Variants in FHDC1 observed in about 807,000 individuals in gnomAD.
FHDC1 encodes the protein FH2 domain containing 1, also known as FH2 domain-containing protein 1.
In FHDC1, 25 loss-of-function variants were observed where a neutral mutation model predicts 52.6. The observed-to-expected ratio is 0.48, with a 90% CI of 0.35 to 0.66. The LOEUF (loss-of-function observed/expected upper bound fraction) is 0.66, where lower values mean the gene tolerates loss of function less well. FHDC1 is among the 30% of genes least tolerant of loss of function. The pLI is 0.01. For missense variants in FHDC1, 1,459 were observed against 1,452.8 expected (o/e 1.00, Z -0.07); for synonymous variants, 616 against 581.5 (o/e 1.06, Z -0.85).
At chr4:152,950,072 C>T (rs1739877921) in intron 2 of FHDC1, among the ~76,000 whole-genome samples, 5 of 152,258 alleles carry the variant, frequency 3.3e-5, no homozygotes, top group Admixed American at 2.6e-4. Context: ...TTGTTTATCC[C>T]TCTTCTTTGG....
the FHDC1 span, among the ~76,000 whole-genome samples, chr4:152,925,813 A>C: frequency 6.6e-6 from 1 of 151,296 alleles, no homozygotes; most frequent in African/African-American, 2.4e-5. Context: ...TAACTATTTT[A>C]GTGAAAAAGA....
rs777520664 is a variant in FHDC1, at chr4:152,975,928, C to A, written c.2637C>A (p.Ser879Arg). 1 of 1,513,576 alleles carries A rather than the reference C, an allele frequency of 6.6e-7. No individual in the cohort carries two copies. The highest frequency in any genetic ancestry group is 1.4e-5 in the African/African-American group (1 of 71,726). The allele number at this position is 1,513,576 out of a possible 1,614,324, so 93.8% of individuals were successfully genotyped here. A position where few individuals can be genotyped will look rare whatever the true frequency, so the allele number is the denominator to read the frequency against. ...CTCCCGGGGCCTCCAAGCCCGGGAG[C>A]GCCCGGCGGAGCCAGGGGGCAGTGG... The part of the protein sequence containing the change: ...EASPGASKPG[S>R]ARRSQGAVAK... The change falls in exon 12 of 12, where the codon AGC becomes AGA. Residue 879 changes from serine to arginine, a missense_variant. Physicochemically the swap from Ser to Arg is moderately radical, Grantham distance 110. Around this residue, in one of 3 missense-constraint regions of FHDC1, gnomAD observed 939 missense variants for 854.5 expected, o/e 1.10. Coordinates refer to ENST00000511601, the MANE Select transcript of FHDC1 (RefSeq NM_001371116.1).
At position 152,960,151 on chromosome 4, in the gene FHDC1, A is replaced by T. The variant is rs59791872; in HGVS notation, c.664-414A>T. On this transcript the variant is annotated intron_variant, in intron 4 of 11. Transcript: ENST00000511601. ...AAGATTTTTTTCCGTTTATGACTTA[A>T]AGAACCATATTATAATGACTCTACA... Among the ~76,000 whole-genome samples, 815 of 152,314 alleles carry T rather than the reference A, an allele frequency of 5.4e-3. 8 individuals are homozygous for T. The highest frequency in any genetic ancestry group is 0.019 in the African/African-American group (793 of 41,554).
the FHDC1 span, among the ~76,000 whole-genome samples, chr4:152,917,461 C>T: frequency 6.6e-6 from 1 of 152,146 alleles, no homozygotes; most frequent in Non-Finnish European, 1.5e-5. Flanking sequence ...TAAAGCATTC[C>T]TCAAATAAGT....
At chr4:152,968,726 A>G (rs1740543788) in intron 10 of FHDC1, among the ~76,000 whole-genome samples, 2 of 152,208 alleles carry the variant, frequency 1.3e-5, no homozygotes, top group Admixed American at 1.3e-4. Flanking sequence ...GTGAACTGGT[A>G]TCAGCCATGG....
chr4:152,931,233 T>C, the FHDC1 span, among the ~76,000 whole-genome samples: 1 of 152,076 alleles, frequency 6.6e-6, no homozygotes, highest in Non-Finnish European at 1.5e-5. Flanking sequence ...TGGTAAATAA[T>C]GGAAAGAAAT....
intron 8 of FHDC1, among the ~76,000 whole-genome samples, chr4:152,964,295 T>G (rs1022970338): frequency 1.3e-5 from 2 of 152,186 alleles, no homozygotes; most frequent in African/African-American, 4.8e-5. Flanking sequence ...ATTGAAAGGT[T>G]AATTTTCAGG....
At chr4:152,941,538 A>G (rs1739571274) in intron 1 of FHDC1, among the ~76,000 whole-genome samples, 1 of 152,226 alleles carries the variant, frequency 6.6e-6, no homozygotes, top group Non-Finnish European at 1.5e-5. Flanking sequence ...GTAGATGAGG[A>G]TGCTGAAATG....
the FHDC1 span, among the ~76,000 whole-genome samples, chr4:152,913,582 G>C: frequency 6.6e-6 from 1 of 152,162 alleles, no homozygotes; most frequent in African/African-American, 2.4e-5. Context: ...ATTTGCAATA[G>C]TCCTAAATAT....
rs1366995288 is a variant in FHDC1 at position 152,957,423 on chromosome 4, CACAGGTTAGTTAT to C, written c.663+3107_663+3119del. ...TTTACAAATGAGAAACTGAGGCTCA[CACAGGTTAGTTAT>C]ACCTTGTCTGGTGTCACATGATTGC... On this transcript the variant is annotated intron_variant, in intron 4 of 11. Transcript: ENST00000511601. 2.0e-5 allele frequency among the ~76,000 whole-genome samples: 3 copies of C among 152,324 alleles called. No homozygotes were observed. The East Asian group carries it at 5.8e-4, about 29-fold the overall frequency.
the FHDC1 span, among the ~76,000 whole-genome samples, chr4:152,930,612 A>G: frequency 0.025 from 3,884 of 152,338 alleles, 76 homozygotes; most frequent in South Asian, 0.073. Context: ...TTTGTGTCCA[A>G]GGCCAGTCAA....
intron 10 of FHDC1, among the ~76,000 whole-genome samples, 162 bp downstream of exon 10, chr4:152,968,259 G>A (rs368239515): frequency 3.8e-4 from 58 of 151,924 alleles, no homozygotes; most frequent in African/African-American, 1.4e-3. Context: ...CCCATTCTTT[G>A]CAGAGGATGT....
chr4:152,954,328 T>C lies in FHDC1; in HGVS notation c.663+9T>C, dbSNP rs753399859. On this transcript the variant is annotated intron_variant, in intron 4 of 11. Transcript: ENST00000511601. ...TGCCAGAGTCAGAAGAGGTAAGAAA[T>C]TCAGCGCATGAGTTGTAGATGTTAG... is the stretch of plus-strand genomic sequence containing the variant. The C allele has an allele frequency of 3.1e-6, 5 of 1,605,030 alleles. No homozygotes were observed. The East Asian group carries it at 1.1e-4, about 36-fold the overall frequency.
intron 2 of FHDC1, 49 bp from the exon 3 acceptor site, chr4:152,953,450 C>G: frequency 6.9e-7 from 1 of 1,456,046 alleles, no homozygotes; most frequent in Non-Finnish European, 9.5e-7. Context: ...TTCTCCATCT[C>G]TTTTTATTTG....
intron 2 of FHDC1, among the ~76,000 whole-genome samples, chr4:152,946,737 C>T (rs1739744940): frequency 6.6e-6 from 1 of 152,228 alleles, no homozygotes; most frequent in South Asian, 2.1e-4. Flanking sequence ...TGCCCAGGCA[C>T]AGATTATGAC....
chr4:152,958,964 G>C (rs1386870331), intron 4 of FHDC1, among the ~76,000 whole-genome samples: 1 of 152,182 alleles, frequency 6.6e-6, no homozygotes, highest in East Asian at 1.9e-4. Flanking sequence ...AACTCGAAGT[G>C]TTACATTTTA....
At chr4:152,936,117 G>A (rs1248800477), upstream of FHDC1, among the ~76,000 whole-genome samples, 1 of 152,002 alleles carries the variant, frequency 6.6e-6, no homozygotes, top group Non-Finnish European at 1.5e-5. Flanking sequence ...GTCTCCCCCG[G>A]GGCCCCGCGC....
At chr4:152,951,326 G>A (rs1248979878) in intron 2 of FHDC1, among the ~76,000 whole-genome samples, 1 of 152,136 alleles carries the variant, frequency 6.6e-6, no homozygotes, top group African/African-American at 2.4e-5. Flanking sequence ...TTTAAAGGGT[G>A]TTGAGTTTGA....
chr4:152,977,973 A>T lies in FHDC1; in HGVS notation c.*1250A>T, dbSNP rs559788253. Reference sequence around the variant, plus strand: ...AGGAACAGGAGGGAAAGTTGGACTCAGACAGAAATCAGATGCTTCCATGTA... The same window carrying T: ...AGGAACAGGAGGGAAAGTTGGACTCTGACAGAAATCAGATGCTTCCATGTA... On this transcript the variant is annotated 3_prime_UTR_variant, in exon 12 of 12. Coordinates refer to ENST00000511601, the MANE Select transcript of FHDC1 (RefSeq NM_001371116.1). 2.0e-5 allele frequency: 3 copies of T among 152,284 alleles called. 1 individual carries two copies. Among genetic ancestry groups the T allele is most frequent in the Non-Finnish European group, 4.4e-5 (3 of 68,070 alleles). 9.4% of individuals were successfully genotyped at this position (152,284 alleles called of 1,614,324 possible).
Sources: gnomAD v4.1 joint callset for allele counts (sites outside exome capture counted in the v4.1 genomes callset) on GRCh38, gnomAD v4.1.1 for gene constraint, gnomAD v4.1.1 regional missense constraint, MANE v1.5 for transcripts, NCBI Gene and HGNC (gene_info 2026-07-23, HGNC 2026-07-21) for gene names.